EPB41L3: variants seen among roughly 807,000 people sequenced by gnomAD.
EPB41L3 encodes the protein erythrocyte membrane protein band 4.1 like 3, also known as band 4.1-like protein 3.
In EPB41L3, 57 loss-of-function variants were observed where a neutral mutation model predicts 127.1. The ratio of observed to expected loss-of-function variants is 0.45; its 90% CI spans 0.36 to 0.56. The LOEUF (loss-of-function observed/expected upper bound fraction) is 0.56. EPB41L3 is among the 20% of genes least tolerant of loss of function. The pLI is 0.00. For missense variants in EPB41L3, 1,273 were observed against 1,372.2 expected, an observed-to-expected ratio of 0.93 and a Z score of 1.14; for synonymous variants, 572 against 549.5, an observed-to-expected ratio of 1.04 and a Z score of -0.57.
chr18:5,396,426 T>G, intron 18 of EPB41L3, 94 bp from the exon 19 acceptor site: 2 of 1,436,686 alleles, frequency 1.4e-6, no homozygotes, highest in African/African-American at 1.4e-5. Flanking sequence ...TAAGCACAGG[T>G]TAGTATGCTA....
At chr18:5,466,046 A>G (rs775624498) in intron 3 of EPB41L3, among the ~76,000 whole-genome samples, 53 of 151,980 alleles carry the variant, frequency 3.5e-4, no homozygotes, top group Admixed American at 5.2e-4. Flanking sequence ...TCCTCTCTAT[A>G]TTTCATTATC....
At chr18:5,401,855 G>A (rs923443891) in intron 16 of EPB41L3, among the ~76,000 whole-genome samples, 22 of 152,002 alleles carry the variant, frequency 1.4e-4, no homozygotes, top group Admixed American at 5.9e-4. Context: ...TGAACCAAGC[G>A]TTCAACTTCA....
chr18:5,416,134 G>C lies in EPB41L3; in HGVS notation c.1751C>G (p.Thr584Ser). The C allele has an allele frequency of 6.2e-7, 1 of 1,613,750 alleles. No homozygotes were observed. The highest frequency in any genetic ancestry group is 8.5e-7 in the Non-Finnish European group (1 of 1,179,808). The part of the protein sequence containing the change: ...SYRQQTGKGT[T>S]LFSFSLQLPE... ...GAGCTGCAAGGAGAAGGAGAACAGG[G>C]TGGTCCCCTTGCCAGTTTGCTGTCT... Residue 584 changes from threonine to serine, a missense_variant, in exon 13 of 23, where the codon ACC becomes AGC. Around this residue, in one of 3 missense-constraint regions of EPB41L3, gnomAD observed 765 missense variants for 782.9 expected, o/e 0.98. Transcript: ENST00000341928.
intron 1 of EPB41L3, among the ~76,000 whole-genome samples, chr18:5,515,823 C>T (rs1275180944): frequency 6.6e-6 from 1 of 152,138 alleles, no homozygotes; most frequent in Non-Finnish European, 1.5e-5. Flanking sequence ...GAGCACTATC[C>T]ACCACCCCTC....
At chr18:5,583,090 A>G (rs78435978) in intron 3 of EPB41L3, among the ~76,000 whole-genome samples, 178 of 152,346 alleles carry the variant, frequency 1.2e-3, no homozygotes, top group African/African-American at 4.1e-3. Flanking sequence ...AGCTGAAGAG[A>G]TGAGTCAGGA....
chr18:5,450,410 T>C (rs375422763), intron 3 of EPB41L3, among the ~76,000 whole-genome samples: 47 of 150,420 alleles, frequency 3.1e-4, no homozygotes, highest in African/African-American at 1.0e-3. Flanking sequence ...ATGCAAAATG[T>C]TAAAAATAGG....
chr18:5,571,551 G>A (rs924557214), intron 3 of EPB41L3, among the ~76,000 whole-genome samples: 8 of 152,186 alleles, frequency 5.3e-5, no homozygotes, highest in Non-Finnish European at 7.3e-5. Context: ...GGTTTCATGA[G>A]TCCTAACCCA....
In EPB41L3 at chr18:5,394,710, C is replaced by A; in HGVS notation, c.3237G>T (p.Glu1079Asp). 6.2e-7 allele frequency: 1 copy of A among 1,614,162 alleles called. No homozygotes were observed. Among genetic ancestry groups the A allele is most frequent in the East Asian group, 2.2e-5 (1 of 44,874 alleles). ...VTKVVVHKET[E>D]ITPEDGED ...AATCCTCTCCATCTTCTGGTGTGAT[C>A]TCTGTCTCTTTATGGACCACTACTT... Residue 1079 changes from glutamate (E) to aspartate (D), a missense_variant, in exon 22 of 23, where the codon GAG (glutamate) becomes GAT (aspartate). This residue lies in a region of EPB41L3 where 765 missense variants were observed against 782.9 expected (regional missense o/e 0.98). Coordinates refer to ENST00000341928, the MANE Select transcript of EPB41L3 (RefSeq NM_012307.5).
At position 5,393,236 on chromosome 18, in the gene EPB41L3, G is replaced by A. The variant is rs2143482902; in HGVS notation, c.*249C>T. The A allele has an allele frequency of 2.4e-6, 1 of 418,982 alleles. No individual in the cohort carries two copies. The highest frequency in any genetic ancestry group is 4.2e-6 in the Non-Finnish European group (1 of 236,750). The allele number at this position is 418,982 out of a possible 1,614,324, so 26.0% of individuals were successfully genotyped here. Reference sequence around the variant, plus strand: ...GAGACATTTTGTGAAAATTAAAAATGCTGCTCTTTTGTAATTTTATCGTTG... The same window carrying A: ...GAGACATTTTGTGAAAATTAAAAATACTGCTCTTTTGTAATTTTATCGTTG... On this transcript the variant is annotated 3_prime_UTR_variant, in exon 23 of 23. Transcript: ENST00000341928.
Position 5,419,755 on chromosome 18 carries a change from C to T in EPB41L3, c.1462G>A (p.Gly488Arg), listed in dbSNP as rs375665706. The T allele has an allele frequency of 1.2e-6, 2 of 1,614,180 alleles. No individual in the cohort carries two copies. Among genetic ancestry groups the T allele is most frequent in the Non-Finnish European group, 1.7e-6 (2 of 1,180,022 alleles). The change falls in exon 12 of 23, where the codon GGG (glycine) becomes AGG (arginine). Residue 488 changes from glycine to arginine, a missense_variant. Gly to Arg is a moderately radical substitution (Grantham distance 125). This residue lies in a region of EPB41L3 where 765 missense variants were observed against 782.9 expected (regional missense o/e 0.98). Transcript: ENST00000341928. ...GCCGAGATGGGCGTGACTTCTTCCC[C>T]CTTCCTCCGTTTGTCCTCTTCCTCG... is the stretch of plus-strand genomic sequence containing the variant. ...RDEEEDKRRK[G>R]EEVTPISAIR...
intron 1 of EPB41L3, among the ~76,000 whole-genome samples, chr18:5,506,980 G>A (rs1409505909): frequency 6.6e-6 from 1 of 152,182 alleles, no homozygotes; most frequent in Non-Finnish European, 1.5e-5. Flanking sequence ...CTAGTGAAAA[G>A]TGCATAGTCA....
chr18:5,625,504 A>G (rs1017830344), intron 1 of EPB41L3, among the ~76,000 whole-genome samples: 2 of 152,334 alleles, frequency 1.3e-5, no homozygotes, highest in South Asian at 4.1e-4. Context: ...AAAGTATGAA[A>G]TTGATGAATG....
intron 2 of EPB41L3, among the ~76,000 whole-genome samples, chr18:5,484,821 G>A (rs1027433804): frequency 3.3e-5 from 5 of 151,600 alleles, no homozygotes; most frequent in African/African-American, 1.2e-4. Context: ...ATAGTCATGA[G>A]TAATGAGATC....
intron 3 of EPB41L3, among the ~76,000 whole-genome samples, chr18:5,464,655 A>C (rs962222620): frequency 2.0e-5 from 3 of 152,204 alleles, no homozygotes; most frequent in African/African-American, 7.2e-5. Flanking sequence ...CAAATATGAT[A>C]GGAGACAAAA....
chr18:5,398,772 A>G (rs966254181), intron 16 of EPB41L3: 8 of 399,444 alleles, frequency 2.0e-5, no homozygotes, highest in Admixed American at 4.4e-5. Flanking sequence ...GCCCACTTTT[A>G]AGACCTCACT....
intron 3 of EPB41L3, among the ~76,000 whole-genome samples, chr18:5,557,223 C>T (rs138235297): frequency 6.6e-6 from 1 of 152,130 alleles, no homozygotes; most frequent in Admixed American, 6.5e-5. Flanking sequence ...GGGCTAAGTG[C>T]AGGAAATGGC....
chr18:5,546,770 C>A (rs1007165253), upstream of EPB41L3, among the ~76,000 whole-genome samples: 2 of 152,166 alleles, frequency 1.3e-5, no homozygotes, highest in Non-Finnish European at 2.9e-5. Context: ...GCTCCCTCAG[C>A]AACTTGCCTG....
chr18:5,458,796 A>T (rs538179251), intron 3 of EPB41L3, among the ~76,000 whole-genome samples: 13 of 152,208 alleles, frequency 8.5e-5, no homozygotes, highest in Non-Finnish European at 1.9e-4. Context: ...TATAAACGAA[A>T]TGAACTAATT....
At chr18:5,630,558 G>A (rs368218153), upstream of EPB41L3, 514 of 516,052 alleles carry the variant, frequency 1.0e-3, no homozygotes, top group African/African-American at 9.2e-3. Flanking sequence ...TCGGCGGCGG[G>A]AAAGAGCTCC....
Sources: allele counts gnomAD v4.1 joint callset (sites outside exome capture counted in the v4.1 genomes callset), GRCh38; gene constraint gnomAD v4.1.1; regional missense constraint gnomAD v4.1.1; transcripts MANE v1.5; gene names NCBI Gene and HGNC (gene_info 2026-07-23, HGNC 2026-07-21).